The following RNF111 variants were observed in gnomAD, a reference collection of about 807,000 sequenced individuals.
RNF111 encodes the protein ring finger protein 111.
RNF111 carries 17 observed loss-of-function variants against 95.1 expected under a neutral mutation model. The observed-to-expected ratio is 0.18, with a 90% confidence interval of 0.12 to 0.27. RNF111 has a LOEUF of 0.27. Among genes scored for constraint, RNF111 ranks in the 10% least tolerant of loss-of-function variants. The pLI, the probability that RNF111 is intolerant of heterozygous loss-of-function variation, is 1.00. For synonymous variants in RNF111, 440 were observed against 414.8 expected (o/e 1.06, Z -0.74); for missense variants, 1,189 against 1,210.4 (o/e 0.98, Z 0.26).
rs201470570 is a variant in RNF111, at chr15:59,060,807, A to ATT, written c.1366+2267_1366+2268dup. ...TAGCATTATTATTATTATTATTATT[A>ATT]TTTTTTTTTTTGTGAGACAGGTCTG... On this transcript the variant is annotated intron_variant, in intron 5 of 13. Transcript: ENST00000348370. 1.7e-4 allele frequency among the ~76,000 whole-genome samples: 24 copies of ATT among 144,300 alleles called. 1 individual carries two copies. Among genetic ancestry groups the ATT allele is most frequent in the African/African-American group, 3.6e-4 (14 of 38,810 alleles). The allele number at this position is 144,300 out of a possible 152,430, so 94.7% of individuals were successfully genotyped here. A position where few individuals can be genotyped will look rare whatever the true frequency, so the allele number is the denominator to read the frequency against.
chr15:59,013,998 C>T (rs1195699412), intron 1 of RNF111, among the ~76,000 whole-genome samples: 2 of 152,104 alleles, frequency 1.3e-5, no homozygotes, highest in Admixed American at 6.5e-5. Context: ...ACTATATTGC[C>T]CAGGCTGGTC....
chr15:59,082,019 A>T (rs1198363052), intron 8 of RNF111, among the ~76,000 whole-genome samples: 1 of 152,028 alleles, frequency 6.6e-6, no homozygotes, highest in Non-Finnish European at 1.5e-5. Context: ...TGCTTAAGTG[A>T]TCCTCCCATG....
intron 7 of RNF111, among the ~76,000 whole-genome samples, chr15:59,077,784 T>C (rs1409743470): frequency 1.3e-5 from 2 of 152,216 alleles, no homozygotes; most frequent in African/African-American, 2.4e-5. Context: ...TCCAAGGGGC[T>C]GCATCAATTT....
At chr15:59,042,614 A>C (rs1346684814) in intron 2 of RNF111, among the ~76,000 whole-genome samples, 1 of 152,160 alleles carries the variant, frequency 6.6e-6, no homozygotes, top group Non-Finnish European at 1.5e-5. Flanking sequence ...CCTTACGTAT[A>C]ATAGGAAAAA....
At chr15:59,035,920 A>G (rs2041155405) in intron 2 of RNF111, among the ~76,000 whole-genome samples, 1 of 152,158 alleles carries the variant, frequency 6.6e-6, no homozygotes, top group Admixed American at 6.5e-5. Flanking sequence ...AAACTTTTGC[A>G]ACCTCTGCCA....
In RNF111 at chr15:59,081,208, C is replaced by G; in HGVS notation, c.2221C>G (p.Pro741Ala). 1 of 1,614,186 alleles carries G rather than the reference C, an allele frequency of 6.2e-7. No individual in the cohort carries two copies. The highest frequency in any genetic ancestry group is 2.2e-5 in the East Asian group (1 of 44,894). ...ISHHIPATAP[P>A]AQRLHPHEVM... Reference sequence around the variant, plus strand: ...GCACCATATTCCAGCCACAGCACCTCCAGCACAGAGACTGCATCCTCATGA... The same window carrying G: ...GCACCATATTCCAGCCACAGCACCTGCAGCACAGAGACTGCATCCTCATGA... Residue 741 changes from proline to alanine, a missense_variant, in exon 8 of 14, where the codon CCA (proline) becomes GCA (alanine). By Grantham distance (27) the Pro-to-Ala change is conservative (BLOSUM62 -1). Coordinates refer to ENST00000348370, the MANE Select transcript of RNF111 (RefSeq NM_017610.8).
In RNF111 at chr15:59,094,954, G is replaced by A; in HGVS notation, c.*54G>A. 9.6e-7 allele frequency: 1 copy of A among 1,044,590 alleles called. No homozygotes were observed. The highest frequency in any genetic ancestry group is 1.5e-6 in the Non-Finnish European group (1 of 663,422). The allele number at this position is 1,044,590 out of a possible 1,614,324, so 64.7% of individuals were successfully genotyped here. A position where few individuals can be genotyped will look rare whatever the true frequency, so the allele number is the denominator to read the frequency against. ...TCTCATTCCCATCCTTCCTGGTACT[G>A]CAGTCAACCAAAGATGGCATGACTT... On this transcript the variant is annotated 3_prime_UTR_variant, in exon 14 of 14. Transcript: ENST00000348370.
intron 13 of RNF111, 133 bp from the exon 14 acceptor site, chr15:59,094,650 G>A (rs965010109): frequency 1.4e-5 from 8 of 581,744 alleles, no homozygotes; most frequent in Admixed American, 5.8e-5. Flanking sequence ...TAATTTAATC[G>A]ATGTGTTTTT....
intron 1 of RNF111, among the ~76,000 whole-genome samples, chr15:59,028,199 A>T (rs762553986): frequency 2.6e-5 from 4 of 152,094 alleles, no homozygotes; most frequent in Non-Finnish European, 4.4e-5. Context: ...ATCTATGTAG[A>T]TTTGCCTATT....
At chr15:59,069,073 C>CA (rs397853868) in intron 6 of RNF111, among the ~76,000 whole-genome samples, 12,921 of 89,048 alleles carry the variant, frequency 0.15, 966 homozygotes, top group Non-Finnish European at 0.21. Context: ...GACTCCGTCT[C>CA]AAAAAAAAAA....
At chr15:59,003,372 T>C (rs1324165580) in intron 1 of RNF111, among the ~76,000 whole-genome samples, 4 of 151,962 alleles carry the variant, frequency 2.6e-5, no homozygotes, top group South Asian at 4.1e-4. Flanking sequence ...CCCAAAGTTA[T>C]GGGATTACAG....
chr15:58,990,477 C>CT (rs2038763425), intron 1 of RNF111, among the ~76,000 whole-genome samples: 1 of 152,014 alleles, frequency 6.6e-6, no homozygotes, highest in South Asian at 2.1e-4. Flanking sequence ...GGTGAAACCC[C>CT]ATCTCTACTG....
chr15:58,990,712 C>T (rs1483168125), intron 1 of RNF111, among the ~76,000 whole-genome samples: 1 of 152,090 alleles, frequency 6.6e-6, no homozygotes, highest in Non-Finnish European at 1.5e-5. Context: ...TATTGTTGTC[C>T]CATTGTAGAT....
intron 2 of RNF111, among the ~76,000 whole-genome samples, chr15:59,047,420 G>A (rs1193443385): frequency 1.3e-5 from 2 of 152,050 alleles, no homozygotes; most frequent in Non-Finnish European, 2.9e-5. Flanking sequence ...GCTTGAGCCC[G>A]GGAGGTCAAG....
rs1263154794 is a variant in RNF111 at position 59,095,963 on chromosome 15, G to A, written c.*1063G>A. Reference sequence around the variant, plus strand: ...TAAATAAAGTCAGCTGAATCTACATGTCTCTTGTTTTATTTCTCTCTAAAC... The same window carrying A: ...TAAATAAAGTCAGCTGAATCTACATATCTCTTGTTTTATTTCTCTCTAAAC... On this transcript the variant is annotated 3_prime_UTR_variant, in exon 14 of 14. Transcript: ENST00000348370. 21 of 398,442 alleles carry A rather than the reference G, an allele frequency of 5.3e-5. No homozygotes were observed. In the East Asian group the frequency reaches 7.2e-4, roughly 14 times the overall value. 24.7% of individuals were successfully genotyped at this position (398,442 alleles called of 1,614,324 possible).
Position 59,076,115 on chromosome 15 carries a change from A to C in RNF111, c.1848A>C (p.Ser616=). The C allele has an allele frequency of 6.2e-7, 1 of 1,614,146 alleles. No individual in the cohort carries two copies. The highest frequency in any genetic ancestry group is 8.5e-7 in the Non-Finnish European group (1 of 1,180,026). ...CTGCTGCCCCAAGTCAACCTTTATC[A>C]TCAATAGATGGCTATGGATCAAGCA... ...AAAAAPSQPL[S]SIDGYGSSMV... Residue 616 remains serine, a synonymous_variant, in exon 7 of 14, where the codon TCA becomes TCC. Transcript: ENST00000348370.
At position 59,009,583 on chromosome 15, in the gene RNF111, A is replaced by ATAGAACGATACCAAAAT. The variant is rs569897309; in HGVS notation, c.-19-21214_-19-21198dup. ...GTCTGAAGAAAGGTGATTAGATAAT[A>ATAGAACGATACCAAAAT]TAGAACGATACCAAAATTAGAACTT... On this transcript the variant is annotated intron_variant, in intron 1 of 13. Coordinates refer to ENST00000348370, the MANE Select transcript of RNF111 (RefSeq NM_017610.8). Among the ~76,000 whole-genome samples, 76 of 152,028 alleles carry ATAGAACGATACCAAAAT rather than the reference A, an allele frequency of 5.0e-4. No individual in the cohort carries two copies. The East Asian group carries it at 8.6e-3, about 17-fold the overall frequency.
chr15:59,071,247 C>G (rs966415981), intron 6 of RNF111, among the ~76,000 whole-genome samples: 2 of 146,198 alleles, frequency 1.4e-5, no homozygotes, highest in African/African-American at 5.2e-5. Context: ...TGCAGTGAGC[C>G]GAGATTGCAC....
At chr15:59,004,131 GT>G in intron 1 of RNF111, 2 of 1,210,004 alleles carry the variant, frequency 1.7e-6, no homozygotes, top group Admixed American at 3.1e-5. Flanking sequence ...GTGAATGCAT[GT>G]TTTTTCCCTC....
Sources: allele counts gnomAD v4.1 joint callset (sites outside exome capture counted in the v4.1 genomes callset), GRCh38; gene constraint gnomAD v4.1.1; transcripts MANE v1.5; gene names NCBI Gene and HGNC (gene_info 2026-07-23, HGNC 2026-07-21).